The following BTAF1 variants were observed in gnomAD, a reference collection of about 807,000 sequenced individuals.
BTAF1 encodes B-TFIID TATA-box binding protein associated factor 1.
BTAF1 carries 38 observed loss-of-function variants against 227.1 expected under a neutral mutation model. The observed-to-expected ratio is 0.17, with a 90% CI of 0.13 to 0.22. BTAF1 has a LOEUF of 0.22. Ranked by LOEUF, BTAF1 falls within the 10% of genes least tolerant of loss-of-function variation. The pLI, the probability that BTAF1 is intolerant of heterozygous loss-of-function variation, is 1.00. For missense variants in BTAF1, 1,598 were observed against 2,204.0 expected (o/e 0.73, Z 5.51); for synonymous variants, 742 against 751.9 (o/e 0.99, Z 0.21).
chr10:91,953,930 T>G (rs1414630342), intron 6 of BTAF1, 57 bp downstream of exon 6: 27 of 1,581,692 alleles, frequency 1.7e-5, no homozygotes, highest in Non-Finnish European at 2.3e-5. Flanking sequence ...GGCTTTAATC[T>G]GTGTCTGCTT....
chr10:91,994,247 C>A (rs1385916346), intron 22 of BTAF1, among the ~76,000 whole-genome samples: 1 of 151,858 alleles, frequency 6.6e-6, no homozygotes, highest in Non-Finnish European at 1.5e-5. Context: ...TTGCAGTGAG[C>A]CGAGATTATG....
At chr10:91,993,554 A>G (rs1848943666) in intron 21 of BTAF1, 140 bp from the exon 22 acceptor site, 2 of 659,398 alleles carry the variant, frequency 3.0e-6, no homozygotes, top group East Asian at 6.3e-5. Flanking sequence ...AATTGAGACA[A>G]ACATGTCTAA....
At chr10:92,002,201 CA>C (rs1298388627) in intron 25 of BTAF1, among the ~76,000 whole-genome samples, 1 of 152,094 alleles carries the variant, frequency 6.6e-6, no homozygotes, top group African/African-American at 2.4e-5. Flanking sequence ...AGATACATAG[CA>C]ATAGAAACAA....
chr10:91,982,337 T>C (rs909758035), intron 17 of BTAF1, 112 bp downstream of exon 17: 6 of 1,432,982 alleles, frequency 4.2e-6, no homozygotes, highest in South Asian at 1.3e-5. Flanking sequence ...CCTTCCTTCA[T>C]CACACTAATT....
intron 33 of BTAF1, among the ~76,000 whole-genome samples, chr10:92,018,341 A>AG (rs1366897527): frequency 6.6e-6 from 1 of 152,192 alleles, no homozygotes; most frequent in Non-Finnish European, 1.5e-5. Context: ...TCGGCCTCCC[A>AG]AACTGTTGGG....
chr10:92,008,331 G>C, intron 26 of BTAF1, 56 bp downstream of exon 26: 1 of 1,417,424 alleles, frequency 7.1e-7, no homozygotes, highest in Non-Finnish European at 9.3e-7. Flanking sequence ...AGCGTTGTGG[G>C]TTTGTTGGGG....
intron 30 of BTAF1, among the ~76,000 whole-genome samples, chr10:92,013,111 A>C: frequency 6.6e-6 from 1 of 152,184 alleles, no homozygotes; most frequent in East Asian, 1.9e-4. Context: ...AAGGTGGGTA[A>C]AAGGGTACCT....
At chr10:91,964,901 T>C (rs999580904) in intron 13 of BTAF1, among the ~76,000 whole-genome samples, 17 of 152,126 alleles carry the variant, frequency 1.1e-4, no homozygotes, top group African/African-American at 4.1e-4. Context: ...TATGCAACTT[T>C]AAAAAATTCA....
chr10:92,010,209 A>G (rs769633239), intron 28 of BTAF1, among the ~76,000 whole-genome samples: 6 of 152,196 alleles, frequency 3.9e-5, no homozygotes, highest in Non-Finnish European at 7.3e-5. Flanking sequence ...TCTGGGTCCA[A>G]GGTCACTCAG....
Position 91,959,212 on chromosome 10 carries a change from A to G in BTAF1, c.990+58A>G, listed in dbSNP as rs958219341. On this transcript the variant is annotated intron_variant, in intron 9 of 37. Transcript: ENST00000265990. Reference sequence around the variant, plus strand: ...TATTAATAGTTGGCATCTTTTTCCAATGTAGGGAAGTAACGAGTATGTGCC... The same window carrying G: ...TATTAATAGTTGGCATCTTTTTCCAGTGTAGGGAAGTAACGAGTATGTGCC... 17 of 1,611,146 alleles carry G rather than the reference A, an allele frequency of 1.1e-5. No individual in the cohort carries two copies. The Admixed American group carries it at 1.7e-4, about 16-fold the overall frequency.
chr10:92,014,743 A>G (rs1438049622), intron 32 of BTAF1, among the ~76,000 whole-genome samples: 1 of 152,186 alleles, frequency 6.6e-6, no homozygotes, highest in Non-Finnish European at 1.5e-5. Context: ...CTAATACACA[A>G]TTGTGCAGTG....
intron 17 of BTAF1, 83 bp from the exon 18 acceptor site, chr10:91,982,504 G>A (rs1848137136): frequency 1.4e-6 from 2 of 1,468,948 alleles, no homozygotes; most frequent in African/African-American, 1.4e-5. Flanking sequence ...AGTAATTATA[G>A]GAAATTGAAA....
Position 91,996,408 on chromosome 10 carries a change from T to C in BTAF1, c.3349T>C (p.Tyr1117His), listed in dbSNP as rs771800890. Residue 1117 changes from tyrosine (Y) to histidine (H), a missense_variant, in exon 24 of 38, where the codon TAC becomes CAC. Tyr to His is a moderately conservative substitution (Grantham distance 83, BLOSUM62 2). This residue lies in a region of BTAF1 where 425 missense variants were observed against 491.2 expected (regional missense o/e 0.87). Transcript: ENST00000265990. ...GCCACATCTTTATATGTGCCTTCAA[T>C]ACCCCAGTACTGCAGTGAGGCACAT... is the stretch of plus-strand genomic sequence containing the variant. Reference protein sequence around the residue: ...HLPHLYMCLQYPSTAVRHMAA... With the variant: ...HLPHLYMCLQHPSTAVRHMAA... 28 of 1,614,136 alleles carry C rather than the reference T, an allele frequency of 1.7e-5. No homozygotes were observed. Among genetic ancestry groups the C allele is most frequent in the Non-Finnish European group, 2.1e-5 (25 of 1,179,996 alleles).
chr10:91,983,645 C>T (rs1295919249), intron 18 of BTAF1, among the ~76,000 whole-genome samples: 1 of 152,168 alleles, frequency 6.6e-6, no homozygotes, highest in Non-Finnish European at 1.5e-5. Context: ...CTGTGAAGCC[C>T]AGGCTGATAA....
chr10:91,971,498 G>T lies in BTAF1; in HGVS notation c.1650+4741G>T, dbSNP rs552096373. On this transcript the variant is annotated intron_variant, in intron 14 of 37. Coordinates refer to ENST00000265990, the MANE Select transcript of BTAF1 (RefSeq NM_003972.3). Reference sequence around the variant, plus strand: ...TTTTTTTTTTTTTTTTTGAGATGGAGTTTTGCTCTTGTTGCCCAGGCTGGA... The same window carrying T: ...TTTTTTTTTTTTTTTTTGAGATGGATTTTTGCTCTTGTTGCCCAGGCTGGA... Among the ~76,000 whole-genome samples, 13 of 125,808 alleles carry T rather than the reference G, an allele frequency of 1.0e-4. No homozygotes were observed. The East Asian group carries it at 2.8e-3, about 27-fold the overall frequency. The allele number at this position is 125,808 out of a possible 152,430, so 82.5% of individuals were successfully genotyped here. A position where few individuals can be genotyped will look rare whatever the true frequency, so the allele number is the denominator to read the frequency against.
chr10:91,963,968 G>A, intron 12 of BTAF1, 109 bp from the exon 13 acceptor site: 1 of 1,201,838 alleles, frequency 8.3e-7, no homozygotes, highest in Non-Finnish European at 1.2e-6. Flanking sequence ...CAAGGTCATT[G>A]GAATTGCATG....
intron 22 of BTAF1, among the ~76,000 whole-genome samples, chr10:91,994,068 C>T (rs976923573): frequency 1.3e-5 from 2 of 152,130 alleles, no homozygotes; most frequent in African/African-American, 4.8e-5. Context: ...AATCCCAGCA[C>T]TTTGGGAGGC....
intron 27 of BTAF1, 29 bp downstream of exon 27, chr10:92,008,979 G>A: frequency 6.2e-7 from 1 of 1,612,078 alleles, no homozygotes; most frequent in Non-Finnish European, 8.5e-7. Flanking sequence ...TTAAAATAAG[G>A]TTTCCGGATT....
Position 92,026,606 on chromosome 10 carries a change from C to T in BTAF1, c.5090C>T (p.Pro1697Leu). 1 of 1,609,760 alleles carries T rather than the reference C, an allele frequency of 6.2e-7. No individual in the cohort carries two copies. Among genetic ancestry groups the T allele is most frequent in the Non-Finnish European group, 8.5e-7 (1 of 1,177,618 alleles). The change falls in exon 36 of 38, where the codon CCA (proline) becomes CTA (leucine). Residue 1697 changes from proline to leucine, a missense_variant. Physicochemically the swap from Pro to Leu is moderately conservative, Grantham distance 98 (BLOSUM62 -3). Coordinates refer to ENST00000265990, the MANE Select transcript of BTAF1 (RefSeq NM_003972.3). ...TCTACTTTTAGGTTTAATAATGATC[C>T]ATCTATAGACGTTCTGTTACTTACC... is the stretch of plus-strand genomic sequence containing the variant. Reference protein sequence around the residue: ...HSIVSRFNNDPSIDVLLLTTH... With the variant: ...HSIVSRFNNDLSIDVLLLTTH...
Sources: allele counts gnomAD v4.1 joint callset (sites outside exome capture counted in the v4.1 genomes callset), GRCh38; gene constraint gnomAD v4.1.1; regional missense constraint gnomAD v4.1.1; transcripts MANE v1.5; gene names NCBI Gene and HGNC (gene_info 2026-07-23, HGNC 2026-07-21).